The following GPRC6A variants were observed in gnomAD, a reference collection of about 807,000 sequenced individuals.
GPRC6A encodes the protein G protein-coupled receptor class C group 6 member A.
GPRC6A carries 54 observed loss-of-function variants against 47.0 expected under a neutral mutation model. That is an observed-to-expected ratio of 1.15 (90% confidence interval 0.92 to 1.44). The LOEUF (loss-of-function observed/expected upper bound fraction) is 1.44. GPRC6A is among the 40% of genes most tolerant of loss of function. The pLI is 0.00. For synonymous variants in GPRC6A, 347 were observed against 377.1 expected (o/e 0.92, Z 0.93); for missense variants, 1,112 against 1,105.5 (o/e 1.01, Z -0.08).
At chr6:116,808,821 G>T (rs1277137523) in intron 2 of GPRC6A, among the ~76,000 whole-genome samples, 1 of 151,714 alleles carries the variant, frequency 6.6e-6, no homozygotes, top group Non-Finnish European at 1.5e-5. Flanking sequence ...ACACAGTGCT[G>T]TGATATCTGA....
At chr6:116,799,562 CAG>C (rs1460368651) in intron 4 of GPRC6A, among the ~76,000 whole-genome samples, 1 of 152,030 alleles carries the variant, frequency 6.6e-6, no homozygotes, top group Non-Finnish European at 1.5e-5. Context: ...GTGAGCTAGA[CAG>C]AAACAATTTC....
Position 116,809,537 on chromosome 6 carries a change from C to A in GPRC6A, c.275G>T (p.Gly92Val), listed in dbSNP as rs867300761. The change falls in exon 2 of 6, where the codon GGA (glycine) becomes GTA (valine). Residue 92 changes from glycine (G) to valine (V), a missense_variant. Coordinates refer to ENST00000310357, the MANE Select transcript of GPRC6A (RefSeq NM_148963.4). ...ATAGATTTCATACCCCAGTTTGACT[C>A]CAGGTAAGAGTGTTGAATTGTTGAT... Reference protein sequence around the residue: ...EMINNSTLLPGVKLGYEIYDT... With the variant: ...EMINNSTLLPVVKLGYEIYDT... 6.2e-7 allele frequency: 1 copy of A among 1,612,438 alleles called. No homozygotes were observed.
chr6:116,813,371 C>T (rs912177738), intron 1 of GPRC6A, among the ~76,000 whole-genome samples: 1 of 152,144 alleles, frequency 6.6e-6, no homozygotes, highest in African/African-American at 2.4e-5. Context: ...TACAAGGCTA[C>T]AGTAACCAAA....
chr6:116,807,218 C>T lies in GPRC6A; in HGVS notation c.499-12G>A, dbSNP rs1053883300. ...GATTCATAACCCACCTGGAAATAGA[C>T]AGAATATTTTAGTTATGGTGTTGAT... On this transcript the variant is annotated splice_polypyrimidine_tract_variant and intron_variant, in intron 2 of 5. Coordinates refer to ENST00000310357, the MANE Select transcript of GPRC6A (RefSeq NM_148963.4). 5 of 1,544,914 alleles carry T rather than the reference C, an allele frequency of 3.2e-6. No homozygotes were observed. The highest frequency in any genetic ancestry group is 2.2e-5 in the East Asian group (1 of 44,558).
chr6:116,802,827 A>G (rs1004664908), intron 3 of GPRC6A, among the ~76,000 whole-genome samples: 3 of 152,120 alleles, frequency 2.0e-5, no homozygotes, highest in African/African-American at 7.2e-5. Flanking sequence ...TTCAAGATGG[A>G]ATTTAAGGAA....
At chr6:116,811,983 C>G (rs1019023295) in intron 1 of GPRC6A, among the ~76,000 whole-genome samples, 2 of 151,918 alleles carry the variant, frequency 1.3e-5, no homozygotes, top group Non-Finnish European at 2.9e-5. Context: ...AAAAACTTTC[C>G]ACATCCAGCA....
intron 1 of GPRC6A, among the ~76,000 whole-genome samples, chr6:116,820,878 G>A (rs1300279876): frequency 1.3e-5 from 2 of 151,736 alleles, no homozygotes; most frequent in Admixed American, 6.6e-5. Flanking sequence ...GCAGGAGAAG[G>A]AAATAAAGGG....
In GPRC6A at chr6:116,809,626, A is replaced by C. The variant is rs1435618426; in HGVS notation, c.195-9T>G. On this transcript the variant is annotated splice_polypyrimidine_tract_variant and intron_variant, in intron 1 of 5. Transcript: ENST00000310357. ...AAACTGATATTTCAAAGCTGTTGGG[A>C]AACAAGTATTTTTTGAAATCAGAAC... 6.3e-7 allele frequency: 1 copy of C among 1,595,574 alleles called. No individual in the cohort carries two copies. The highest frequency in any genetic ancestry group is 2.2e-5 in the East Asian group (1 of 44,632).
At chr6:116,819,971 T>C (rs1773398811) in intron 1 of GPRC6A, among the ~76,000 whole-genome samples, 1 of 146,714 alleles carries the variant, frequency 6.8e-6, no homozygotes, top group African/African-American at 2.6e-5. Flanking sequence ...GCAAGACTAA[T>C]AAAGAAAAAA....
At chr6:116,813,434 C>A (rs558908731) in intron 1 of GPRC6A, among the ~76,000 whole-genome samples, 9 of 152,024 alleles carry the variant, frequency 5.9e-5, no homozygotes, top group Middle Eastern at 3.5e-3. Context: ...AACAGAACAG[C>A]GGCCTCAGGA....
chr6:116,814,197 G>A lies in GPRC6A; in HGVS notation c.195-4580C>T, dbSNP rs150014999. ...CAACCATTGTGGAAGACAGTGTGGC[G>A]ATTCCTCAAGGATCTAGAACTGGAA... On this transcript the variant is annotated intron_variant, in intron 1 of 5. Transcript: ENST00000310357. 4.1e-4 allele frequency among the ~76,000 whole-genome samples: 62 copies of A among 152,270 alleles called. 1 individual carries two copies. In the East Asian group the frequency reaches 9.6e-3, roughly 24 times the overall value.
At chr6:116,803,903 C>G (rs868817833) in intron 3 of GPRC6A, among the ~76,000 whole-genome samples, 3 of 152,040 alleles carry the variant, frequency 2.0e-5, no homozygotes, top group South Asian at 2.1e-4. Flanking sequence ...GTGTACCATC[C>G]TTCATTGTAA....
At chr6:116,813,047 AC>A (rs1320282375) in intron 1 of GPRC6A, among the ~76,000 whole-genome samples, 2 of 152,200 alleles carry the variant, frequency 1.3e-5, no homozygotes, top group Non-Finnish European at 2.9e-5. Context: ...AATCCAACTT[AC>A]AAGGGATGTG....
Position 116,792,270 on chromosome 6 carries a change from A to C in GPRC6A, c.2653T>G (p.Ser885Ala). The C allele has an allele frequency of 6.2e-7, 1 of 1,613,992 alleles. No homozygotes were observed. The highest frequency in any genetic ancestry group is 2.2e-5 in the East Asian group (1 of 44,864). ...SGNVTMTNPSSSGKSATWQKS... is the reference protein window; with the variant it reads ...SGNVTMTNPSASGKSATWQKS... ...TGCCAGGTTGCAGACTTGCCACTAGAGCTGGGATTGGTCATTGTGACATTG... is the reference window on the plus strand; with the variant it reads ...TGCCAGGTTGCAGACTTGCCACTAGCGCTGGGATTGGTCATTGTGACATTG... The change falls in exon 6 of 6, where the codon TCT becomes GCT. Residue 885 changes from serine to alanine, a missense_variant. Transcript: ENST00000310357.
At chr6:116,821,705 C>T (rs1562114822) in intron 1 of GPRC6A, among the ~76,000 whole-genome samples, 3 of 151,698 alleles carry the variant, frequency 2.0e-5, no homozygotes, top group Admixed American at 6.6e-5. Flanking sequence ...AGACAAAAAT[C>T]AATTCAACAT....
At chr6:116,803,357 A>C (rs761531970) in intron 3 of GPRC6A, among the ~76,000 whole-genome samples, 40 of 152,062 alleles carry the variant, frequency 2.6e-4, no homozygotes, top group Non-Finnish European at 4.3e-4. Context: ...AAAAAATATC[A>C]TATCACTCTT....
intron 4 of GPRC6A, among the ~76,000 whole-genome samples, chr6:116,796,277 A>G (rs1198230669): frequency 1.3e-5 from 2 of 152,082 alleles, no homozygotes; most frequent in Admixed American, 6.6e-5. Flanking sequence ...TCTAACTCCA[A>G]AAAATAAAAA....
intron 1 of GPRC6A, among the ~76,000 whole-genome samples, chr6:116,827,132 C>T (rs1773703979): frequency 6.6e-6 from 1 of 151,772 alleles, no homozygotes; most frequent in Admixed American, 6.6e-5. Context: ...GAAGTTCAAT[C>T]GTTTGACAGC....
chr6:116,818,532 T>TAAAAAAAAAAAAAAA (rs35974500), intron 1 of GPRC6A, among the ~76,000 whole-genome samples: 1 of 15,504 alleles, frequency 6.4e-5, no homozygotes, highest in African/African-American at 1.6e-4. Flanking sequence ...AGACTCCGTC[T>TAAAAAAAAAAAAAAA]AAAAAAAAAA....
Sources: allele counts gnomAD v4.1 joint callset (sites outside exome capture counted in the v4.1 genomes callset), GRCh38; gene constraint gnomAD v4.1.1; transcripts MANE v1.5; gene names NCBI Gene and HGNC (gene_info 2026-07-23, HGNC 2026-07-21).